The following PDE10A variants were observed in gnomAD, a reference collection of about 807,000 sequenced individuals.
PDE10A encodes the protein phosphodiesterase 10A, also known as cAMP and cAMP-inhibited cGMP 3',5'-cyclic phosphodiesterase 10A.
PDE10A carries 39 observed loss-of-function variants against 97.7 expected under a neutral mutation model. That is an observed-to-expected ratio of 0.40 (90% CI 0.31 to 0.52). The LOEUF (loss-of-function observed/expected upper bound fraction) is 0.52, where lower values mean the gene tolerates loss of function less well. Among genes scored for constraint, PDE10A ranks in the 20% least tolerant of loss-of-function variants. The pLI is 0.56. For synonymous variants in PDE10A, 371 were observed against 376.8 expected (o/e 0.98, Z 0.18); for missense variants, 731 against 1,047.8 (o/e 0.70, Z 4.17).
intron 1 of PDE10A, among the ~76,000 whole-genome samples, chr6:165,713,905 A>AT: frequency 6.6e-6 from 1 of 152,328 alleles, no homozygotes; most frequent in Non-Finnish European, 1.5e-5. Context: ...GCTGCGGAAG[A>AT]TTTTTGATAT....
intron 12 of PDE10A, among the ~76,000 whole-genome samples, chr6:165,413,939 A>T (rs1272563948): frequency 2.6e-5 from 4 of 152,188 alleles, no homozygotes; most frequent in Non-Finnish European, 4.4e-5. Flanking sequence ...AGTCTCTAAG[A>T]GGCTTTCAGC....
chr6:165,801,356 C>T (rs1287196875), intron 1 of PDE10A, among the ~76,000 whole-genome samples: 1 of 152,070 alleles, frequency 6.6e-6, no homozygotes, highest in East Asian at 1.9e-4. Flanking sequence ...ACCAGCCTGC[C>T]CAACATGGCT....
intron 1 of PDE10A, among the ~76,000 whole-genome samples, chr6:165,729,563 A>T (rs902094822): frequency 1.3e-5 from 2 of 152,216 alleles, no homozygotes; most frequent in Non-Finnish European, 2.9e-5. Flanking sequence ...CCCGGGCCCC[A>T]ACCACAGGGA....
chr6:165,931,766 C>G (rs1275911252), intron 1 of PDE10A, among the ~76,000 whole-genome samples: 2 of 152,196 alleles, frequency 1.3e-5, no homozygotes, highest in African/African-American at 4.8e-5. Context: ...AGACCCAGCT[C>G]TCCTAGGGGC....
chr6:165,952,858 G>GA (rs34273396), intron 1 of PDE10A, among the ~76,000 whole-genome samples: 20 of 148,738 alleles, frequency 1.3e-4, no homozygotes, highest in African/African-American at 3.0e-4. Context: ...TTTTATAAGA[G>GA]AAAAAAAAAA....
At chr6:165,951,438 C>T (rs1050863053) in intron 1 of PDE10A, among the ~76,000 whole-genome samples, 1 of 152,120 alleles carries the variant, frequency 6.6e-6, no homozygotes. Context: ...CCCTCCTTTC[C>T]GTGTCCAGCA....
intron 1 of PDE10A, among the ~76,000 whole-genome samples, chr6:165,619,314 C>CTAGTGTGGTG (rs1787922840): frequency 7.7e-6 from 1 of 130,168 alleles, no homozygotes; most frequent in African/African-American, 3.6e-5. Context: ...GTAGTGTAGT[C>CTAGTGTGGTG]TAGTGTGGTG....
intron 1 of PDE10A, among the ~76,000 whole-genome samples, chr6:165,654,823 G>C (rs1273622915): frequency 2.6e-5 from 4 of 152,126 alleles, no homozygotes; most frequent in Non-Finnish European, 5.9e-5. Context: ...CTGCTCTCTG[G>C]AGCATCTGGC....
intron 20 of PDE10A, among the ~76,000 whole-genome samples, chr6:165,337,481 T>A (rs185997766): frequency 9.8e-4 from 150 of 152,348 alleles, no homozygotes; most frequent in African/African-American, 3.3e-3. Context: ...CTGTGTTATT[T>A]CCATTTTTAA....
chr6:165,446,952 A>C (rs73788389), intron 5 of PDE10A, among the ~76,000 whole-genome samples: 4,277 of 152,262 alleles, frequency 0.028, 203 homozygotes, highest in African/African-American at 0.095. Context: ...TAAGTTACTA[A>C]AGTAAAAGAT....
chr6:165,811,753 C>G (rs1260780242), intron 1 of PDE10A, among the ~76,000 whole-genome samples: 1 of 152,214 alleles, frequency 6.6e-6, no homozygotes, highest in Non-Finnish European at 1.5e-5. Context: ...TTGAAATGAT[C>G]TGGTGTATCA....
chr6:165,411,082 G>A (rs184210868), intron 13 of PDE10A, among the ~76,000 whole-genome samples: 1,145 of 43,438 alleles, frequency 0.026, 92 homozygotes, highest in African/African-American at 0.18. Flanking sequence ...GCGAGACTCC[G>A]CCTCAAAAAA....
At chr6:165,927,529 G>A (rs1375713577) in intron 1 of PDE10A, among the ~76,000 whole-genome samples, 4 of 151,286 alleles carry the variant, frequency 2.6e-5, no homozygotes, top group Non-Finnish European at 4.4e-5. Flanking sequence ...AAGAATATAC[G>A]CAAAGGTATT....
At chr6:165,444,836 TTTAA>T (rs1268548659) in intron 5 of PDE10A, among the ~76,000 whole-genome samples, 11 of 152,298 alleles carry the variant, frequency 7.2e-5, no homozygotes, top group Non-Finnish European at 1.0e-4. Flanking sequence ...ATTTCAGAAA[TTTAA>T]TTATTTCTAC....
In PDE10A at chr6:165,591,055, T is replaced by TA. The variant is rs562484230; in HGVS notation, c.866-47488dup. Among the ~76,000 whole-genome samples, 681 of 152,290 alleles carry TA rather than the reference T, an allele frequency of 4.5e-3. 4 individuals are homozygous for TA. Among genetic ancestry groups the TA allele is most frequent in the African/African-American group, 0.016 (660 of 41,542 alleles). ...CACATACTTTCTCATTCTATTGTATTAGTCATTTGGATCATAAGAACAGCA... is the reference window on the plus strand; with the variant it reads ...CACATACTTTCTCATTCTATTGTATTAAGTCATTTGGATCATAAGAACAGCA... On this transcript the variant is annotated intron_variant, in intron 1 of 21. Coordinates refer to ENST00000539869, the MANE Select transcript of PDE10A (RefSeq NM_001385079.1).
At chr6:165,737,887 T>G (rs1189465482) in intron 1 of PDE10A, among the ~76,000 whole-genome samples, 2 of 152,228 alleles carry the variant, frequency 1.3e-5, no homozygotes, top group Non-Finnish European at 2.9e-5. Flanking sequence ...ATGACTTGAT[T>G]TTTTATAAAG....
At chr6:165,354,030 C>G (rs1280680376) in intron 18 of PDE10A, among the ~76,000 whole-genome samples, 1 of 152,068 alleles carries the variant, frequency 6.6e-6, no homozygotes, top group Non-Finnish European at 1.5e-5. Flanking sequence ...TCTAAAATTG[C>G]TTTAAGAAAT....
intron 1 of PDE10A, chr6:165,718,333 G>A (rs78660677): frequency 8.5e-5 from 13 of 152,076 alleles, no homozygotes; most frequent in Non-Finnish European, 1.3e-4. Context: ...CTGCTAGAGC[G>A]AGCACTAAAA....
chr6:165,735,720 C>T (rs953889809), intron 1 of PDE10A, among the ~76,000 whole-genome samples: 11 of 152,254 alleles, frequency 7.2e-5, no homozygotes, highest in African/African-American at 2.2e-4. Flanking sequence ...GAGGCCCACG[C>T]ACATGGAGGG....
Sources: gnomAD v4.1 joint callset for allele counts (sites outside exome capture counted in the v4.1 genomes callset) on GRCh38, gnomAD v4.1.1 for gene constraint, MANE v1.5 for transcripts, NCBI Gene and HGNC (gene_info 2026-07-23, HGNC 2026-07-21) for gene names.